PPM1B: variants seen among roughly 807,000 people sequenced by gnomAD.
PPM1B encodes protein phosphatase 1B.
A neutral mutation model predicts 43.0 loss-of-function variants in PPM1B; 22 were observed. That is an observed-to-expected ratio of 0.51 (90% CI 0.37 to 0.73). The LOEUF is 0.73. Ranked by LOEUF, PPM1B falls within the 30% of genes least tolerant of loss-of-function variation. PPM1B has a pLI of 0.00. For missense variants in PPM1B, 632 were observed against 584.2 expected (o/e 1.08, Z -0.84); for synonymous variants, 217 against 197.9 (o/e 1.10, Z -0.81).
chr2:44,183,201 T>C (rs939184754), intron 1 of PPM1B, among the ~76,000 whole-genome samples: 5 of 152,292 alleles, frequency 3.3e-5, no homozygotes, highest in Non-Finnish European at 5.9e-5. Flanking sequence ...TGTTGTTGGA[T>C]TGCTTTGTCT....
At chr2:44,212,793 G>A (rs892018434) in intron 3 of PPM1B, among the ~76,000 whole-genome samples, 6 of 152,004 alleles carry the variant, frequency 3.9e-5, no homozygotes, top group African/African-American at 9.7e-5. Context: ...GGCAGATCAC[G>A]AGGTCTGGAG....
chr2:44,234,723 ACTTTTG>A (rs1670565940), downstream of PPM1B: 2 of 554,652 alleles, frequency 3.6e-6, no homozygotes, highest in Non-Finnish European at 4.6e-6. Context: ...ACTCCAGTGA[ACTTTTG>A]CTTTTGTGGA....
At chr2:44,210,578 G>A (rs1669414468) in intron 3 of PPM1B, among the ~76,000 whole-genome samples, 1 of 152,072 alleles carries the variant, frequency 6.6e-6, no homozygotes, top group Non-Finnish European at 1.5e-5. Context: ...CCATGTACAT[G>A]TAGTGTCCTT....
Position 44,231,018 on chromosome 2 carries a change from A to T in PPM1B, c.*300A>T. ...AAATTAATACTAGATAGAATTAGAA[A>T]TTTTGATTAGAGAGATTATGCTATA... On this transcript the variant is annotated 3_prime_UTR_variant, in exon 6 of 6. Transcript: ENST00000282412. The T allele has an allele frequency of 1.0e-6, 1 of 969,742 alleles. No individual in the cohort carries two copies. The highest frequency in any genetic ancestry group is 1.3e-6 in the Non-Finnish European group (1 of 798,750). The allele number at this position is 969,742 out of a possible 1,614,324, so 60.1% of individuals were successfully genotyped here. A position where few individuals can be genotyped will look rare whatever the true frequency, so the allele number is the denominator to read the frequency against.
At chr2:44,211,418 A>G (rs948151301) in intron 3 of PPM1B, among the ~76,000 whole-genome samples, 1 of 152,230 alleles carries the variant, frequency 6.6e-6, no homozygotes, top group African/African-American at 2.4e-5. Context: ...GATTTAGGTT[A>G]TACATTGGCA....
rs2104130019 is a variant in PPM1B, at chr2:44,201,654, C to T, written c.455C>T (p.Ser152Leu). 2 of 1,614,182 alleles carry T rather than the reference C, an allele frequency of 1.2e-6. No individual in the cohort carries two copies. Among genetic ancestry groups the T allele is most frequent in the Non-Finnish European group, 1.7e-6 (2 of 1,180,030 alleles). ...ATCTACTTTATCAACTGTGGTGATT[C>T]ACGTGCTGTTCTGTATAGGAATGGA... ...KHIYFINCGD[S>L]RAVLYRNGQV... The change falls in exon 2 of 6, where the codon TCA (serine) becomes TTA (leucine). Residue 152 changes from serine to leucine, a missense_variant. Physicochemically the swap from Ser to Leu is moderately radical, Grantham distance 145. This residue lies in a region of PPM1B where 200 missense variants were observed against 200.7 expected (regional missense o/e 1.00). Coordinates refer to ENST00000282412, the MANE Select transcript of PPM1B (RefSeq NM_002706.6). This position sits in a 1 kb window ranked among gnomAD's most constrained non-coding sequence, Gnocchi z 5.4.
At chr2:44,202,510 C>G (rs1486791430) in intron 2 of PPM1B, among the ~76,000 whole-genome samples, 1 of 152,176 alleles carries the variant, frequency 6.6e-6, no homozygotes, top group Non-Finnish European at 1.5e-5. Flanking sequence ...AAGACAAAAA[C>G]TGAAATAAAA....
At chr2:44,172,710 G>T (rs1375505053) in intron 1 of PPM1B, among the ~76,000 whole-genome samples, 1 of 152,082 alleles carries the variant, frequency 6.6e-6, no homozygotes, top group Non-Finnish European at 1.5e-5. Context: ...GATTGTTTGA[G>T]ACCAGCCTGG....
chr2:44,233,051 T>G, downstream of PPM1B: 1 of 982,026 alleles, frequency 1.0e-6, no homozygotes, highest in Non-Finnish European at 1.2e-6. Flanking sequence ...ATGGATTAAT[T>G]TATGGCTATT....
rs756783456 is a variant in PPM1B at position 44,218,050 on chromosome 2, T to G, written c.1048T>G (p.Leu350Val). The change falls in exon 4 of 6, where the codon TTG becomes GTG. Residue 350 changes from leucine to valine, a missense_variant. Physicochemically the swap from Leu to Val is conservative, Grantham distance 32 (BLOSUM62 1). Coordinates refer to ENST00000282412, the MANE Select transcript of PPM1B (RefSeq NM_002706.6). Reference sequence around the variant, plus strand: ...CTTGTCTGCAGAAAATATCCCAAATTTGCCTCCTGGGGGAGGTCTTGCTGG... The same window carrying G: ...CTTGTCTGCAGAAAATATCCCAAATGTGCCTCCTGGGGGAGGTCTTGCTGG... ...RILSAENIPNLPPGGGLAGKR... is the reference protein window; with the variant it reads ...RILSAENIPNVPPGGGLAGKR... 2.5e-6 allele frequency: 4 copies of G among 1,613,080 alleles called. No individual in the cohort carries two copies. Among genetic ancestry groups the G allele is most frequent in the Middle Eastern group, 1.7e-4 (1 of 6,054 alleles).
intron 3 of PPM1B, chr2:44,209,552 C>T (rs906167474): frequency 2.2e-5 from 9 of 403,170 alleles, no homozygotes; most frequent in Admixed American, 1.2e-4. Context: ...CAGGCTGAGG[C>T]GGGCAGATCA....
At chr2:44,226,975 A>T (rs202109200) in intron 5 of PPM1B, among the ~76,000 whole-genome samples, 2,071 of 79,050 alleles carry the variant, frequency 0.026, 47 homozygotes, top group East Asian at 0.17. Flanking sequence ...TTTATTTATG[A>T]ATGAATGAAT....
intron 1 of PPM1B, among the ~76,000 whole-genome samples, chr2:44,178,548 A>G (rs1667705676): frequency 6.6e-6 from 1 of 150,728 alleles, no homozygotes; most frequent in South Asian, 2.1e-4. Context: ...GCTCATTGCA[A>G]CCTCCACTTC....
intron 3 of PPM1B, among the ~76,000 whole-genome samples, chr2:44,212,240 C>T (rs1460292211): frequency 1.3e-5 from 2 of 152,148 alleles, no homozygotes; most frequent in Non-Finnish European, 1.5e-5. Context: ...TACAGTACTA[C>T]AGGATTTATT....
downstream of PPM1B, among the ~76,000 whole-genome samples, chr2:44,236,402 C>CAAAAAAAAAAAAAAAAAAAAAAAAAAA (rs61414038): frequency 4.6e-4 from 22 of 47,532 alleles, 3 homozygotes; most frequent in South Asian, 7.9e-4. Flanking sequence ...GACTCCGTCT[C>CAAAAAAAAAAAAAAAAAAAAAAAAAAA]AAAAAAAAAA....
chr2:44,225,365 A>G (rs1670163001), intron 5 of PPM1B, among the ~76,000 whole-genome samples: 1 of 152,222 alleles, frequency 6.6e-6, no homozygotes, highest in Non-Finnish European at 1.5e-5. Flanking sequence ...GAGTTCAGAT[A>G]AAGAAAGTGC....
Position 44,225,976 on chromosome 2 carries a change from C to CTT in PPM1B, c.1135-4421_1135-4420dup, listed in dbSNP as rs36013751. On this transcript the variant is annotated intron_variant, in intron 5 of 5. Coordinates refer to ENST00000282412, the MANE Select transcript of PPM1B (RefSeq NM_002706.6). ...TGGCTATGGTTTGGTTTTAGTATGT[C>CTT]TTTTTTTTTTTTTTTTTGAGAGAGA... Among the ~76,000 whole-genome samples, 98 of 132,698 alleles carry CTT rather than the reference C, an allele frequency of 7.4e-4. 1 individual carries two copies. The highest frequency in any genetic ancestry group is 2.6e-3 in the African/African-American group (93 of 35,784). The allele number at this position is 132,698 out of a possible 152,430, so 87.1% of individuals were successfully genotyped here.
At chr2:44,238,424 G>A (rs970891233), downstream of PPM1B, among the ~76,000 whole-genome samples, 1 of 152,070 alleles carries the variant, frequency 6.6e-6, no homozygotes, top group Non-Finnish European at 1.5e-5. Flanking sequence ...GGGTTCTGCT[G>A]GGCACAGTGC....
chr2:44,233,859 G>T, downstream of PPM1B: 1 of 985,502 alleles, frequency 1.0e-6, no homozygotes, highest in Non-Finnish European at 1.2e-6. Context: ...ACATGATGAT[G>T]TGAAAAGCTG....
Sources: allele counts gnomAD v4.1 joint callset (sites outside exome capture counted in the v4.1 genomes callset), GRCh38; gene constraint gnomAD v4.1.1; regional missense constraint gnomAD v4.1.1; non-coding constraint Gnocchi (gnomAD v3.1); transcripts MANE v1.5; gene names NCBI Gene and HGNC (gene_info 2026-07-23, HGNC 2026-07-21).